CLIP1: variants seen among roughly 807,000 people sequenced by gnomAD.
CLIP1 encodes the protein CAP-Gly domain-containing linker protein 1.
In CLIP1, 66 loss-of-function variants were observed where a neutral mutation model predicts 161.6. The observed-to-expected ratio is 0.41, with a 90% CI of 0.33 to 0.50. The LOEUF (loss-of-function observed/expected upper bound fraction) is 0.50. Ranked by LOEUF, CLIP1 falls within the 20% of genes least tolerant of loss-of-function variation. The probability of loss-of-function intolerance (pLI) is 0.27; values close to 1 mark genes in which losing one functional copy is unlikely to be tolerated. For synonymous variants in CLIP1, 598 were observed against 626.2 expected, an observed-to-expected ratio of 0.96 and a Z score of 0.67; for missense variants, 1,376 against 1,702.0, an observed-to-expected ratio of 0.81 and a Z score of 3.37.
intron 9 of CLIP1, among the ~76,000 whole-genome samples, chr12:122,348,769 ACCTAT>A (rs1952873449): frequency 1.3e-5 from 2 of 152,130 alleles, no homozygotes; most frequent in Non-Finnish European, 2.9e-5. Flanking sequence ...GTACTAATTG[ACCTAT>A]CAGTCTGGAC....
At chr12:122,300,268 G>A (rs887131146) in intron 20 of CLIP1, among the ~76,000 whole-genome samples, 6 of 151,434 alleles carry the variant, frequency 4.0e-5, no homozygotes, top group African/African-American at 9.7e-5. Flanking sequence ...AGACATCATC[G>A]AAAATAAAAG....
chr12:122,297,092 C>T (rs1478518159), intron 20 of CLIP1, among the ~76,000 whole-genome samples: 1 of 152,048 alleles, frequency 6.6e-6, no homozygotes, highest in African/African-American at 2.4e-5. Context: ...AAAAATATTT[C>T]AGAGAACAAT....
intron 1 of CLIP1, among the ~76,000 whole-genome samples, chr12:122,386,960 A>G (rs1477059546): frequency 1.3e-5 from 2 of 152,278 alleles, no homozygotes; most frequent in East Asian, 1.9e-4. Flanking sequence ...GCACGATCAC[A>G]GTTCACTGCA....
chr12:122,302,969 C>T (rs916258606), intron 20 of CLIP1, among the ~76,000 whole-genome samples: 1 of 152,118 alleles, frequency 6.6e-6, no homozygotes, highest in Non-Finnish European at 1.5e-5. Context: ...TAAGCTCAAA[C>T]AGTCTCCTGG....
At chr12:122,390,368 G>C (rs747806591) in intron 1 of CLIP1, among the ~76,000 whole-genome samples, 1 of 147,556 alleles carries the variant, frequency 6.8e-6, no homozygotes, top group Non-Finnish European at 1.5e-5. Context: ...CTGAAGTGCA[G>C]TGGCACAATC....
rs2136485417 is a variant in CLIP1, at chr12:122,355,476, T to C, written c.1006-164A>G. On this transcript the variant is annotated intron_variant, in intron 5 of 25. Coordinates refer to ENST00000620786, the MANE Select transcript of CLIP1 (RefSeq NM_001247997.2). This position sits in a 1 kb window ranked among gnomAD's most constrained non-coding sequence, Gnocchi z 4.1. The stretch of plus-strand genomic sequence containing the variant: ...GCTTCCTCAAAAACACAAGACAGTG[T>C]GTGCCTTCTGTCTATAAATCTCACA... The C allele has an allele frequency of 1.6e-6, 1 of 610,508 alleles. No homozygotes were observed. Among genetic ancestry groups the C allele is most frequent in the Non-Finnish European group, 2.9e-6 (1 of 342,178 alleles). The allele number at this position is 610,508 out of a possible 1,614,324, so 37.8% of individuals were successfully genotyped here.
rs567817365 is a variant in CLIP1 at position 122,403,561 on chromosome 12, C to G, written c.-107+18960G>C. 2.1e-5 allele frequency among the ~76,000 whole-genome samples: 3 copies of G among 146,004 alleles called. No homozygotes were observed. The South Asian group carries it at 6.5e-4, about 32-fold the overall frequency. ...TGGCACAGAGTCTTACTCTGGTACC[C>G]AGGCTGGAGTGCAGTGGCATGATCT... On this transcript the variant is annotated intron_variant, in intron 1 of 25. Transcript: ENST00000620786.
At chr12:122,418,147 T>C (rs1373700823) in intron 1 of CLIP1, among the ~76,000 whole-genome samples, 1 of 152,068 alleles carries the variant, frequency 6.6e-6, no homozygotes, top group Non-Finnish European at 1.5e-5. Context: ...GAAGGGAAGT[T>C]CCAAGAGAAT....
intron 18 of CLIP1, among the ~76,000 whole-genome samples, chr12:122,317,545 T>C (rs28539138): frequency 0.02 from 3,048 of 152,262 alleles, 95 homozygotes; most frequent in African/African-American, 0.068. Flanking sequence ...TGACTGATCA[T>C]AGGCTGTGGC....
chr12:122,354,334 G>A (rs546233196), intron 7 of CLIP1, 119 bp downstream of exon 7: 117 of 631,622 alleles, frequency 1.9e-4, no homozygotes, highest in South Asian at 1.6e-3. Context: ...GGCAGAGGTT[G>A]TAGTGAGCTG....
intron 21 of CLIP1, among the ~76,000 whole-genome samples, chr12:122,281,364 A>G (rs1254663550): frequency 6.6e-6 from 1 of 152,116 alleles, no homozygotes; most frequent in Non-Finnish European, 1.5e-5. Context: ...GGAAGTAAAA[A>G]TATCTGATGT....
chr12:122,308,659 T>C (rs952403262), intron 20 of CLIP1, among the ~76,000 whole-genome samples: 2 of 152,228 alleles, frequency 1.3e-5, no homozygotes, highest in Non-Finnish European at 2.9e-5. Flanking sequence ...ATAGTGCTAT[T>C]GCTTAGAATT....
intron 18 of CLIP1, among the ~76,000 whole-genome samples, chr12:122,317,362 GA>G (rs1358524907): frequency 6.6e-6 from 1 of 152,104 alleles, no homozygotes; most frequent in Non-Finnish European, 1.5e-5. Context: ...TTGTAGACTG[GA>G]AAAAAATTTA....
At chr12:122,357,292 C>T (rs2136513853) in intron 5 of CLIP1, among the ~76,000 whole-genome samples, 1 of 152,068 alleles carries the variant, frequency 6.6e-6, no homozygotes, top group Non-Finnish European at 1.5e-5. Flanking sequence ...TGGCCGCGAC[C>T]CTGTCTGGGA....
Position 122,334,727 on chromosome 12 carries a change from T to G in CLIP1, c.2569-22A>C, listed in dbSNP as rs754238672. On this transcript the variant is annotated intron_variant, in intron 12 of 25. Coordinates refer to ENST00000620786, the MANE Select transcript of CLIP1 (RefSeq NM_001247997.2). Reference sequence around the variant, plus strand: ...CTTTCTAAAGAAAAAGAATGAGAGATTCTGAACAGAAAGATTTCAAATTGT... The same window carrying G: ...CTTTCTAAAGAAAAAGAATGAGAGAGTCTGAACAGAAAGATTTCAAATTGT... 2.3e-5 allele frequency: 33 copies of G among 1,450,430 alleles called. No homozygotes were observed. In the South Asian group the frequency reaches 3.6e-4, roughly 16 times the overall value. The allele number at this position is 1,450,430 out of a possible 1,614,324, so 89.8% of individuals were successfully genotyped here.
intron 20 of CLIP1, among the ~76,000 whole-genome samples, chr12:122,288,799 G>A (rs998926055): frequency 1.4e-5 from 2 of 144,360 alleles, no homozygotes; most frequent in African/African-American, 5.1e-5. Context: ...TGAACACAAC[G>A]AAGCACATCT....
At chr12:122,333,728 G>A (rs1490011738) in intron 14 of CLIP1, among the ~76,000 whole-genome samples, 1 of 152,220 alleles carries the variant, frequency 6.6e-6, no homozygotes, top group Admixed American at 6.5e-5. Context: ...GGCAGCAGCA[G>A]TGAGCCCCAA....
intron 21 of CLIP1, among the ~76,000 whole-genome samples, chr12:122,281,433 T>A (rs1566071910): frequency 6.6e-6 from 1 of 151,952 alleles, no homozygotes; most frequent in Non-Finnish European, 1.5e-5. Context: ...ATCCATGTCA[T>A]CCCAGCATTC....
At chr12:122,411,860 A>C (rs1181982844) in intron 1 of CLIP1, among the ~76,000 whole-genome samples, 1 of 152,112 alleles carries the variant, frequency 6.6e-6, no homozygotes, top group Non-Finnish European at 1.5e-5. Flanking sequence ...AATGGGAGAA[A>C]AGGAAAAAAA....
Sources: gnomAD v4.1 joint callset for allele counts (sites outside exome capture counted in the v4.1 genomes callset) on GRCh38, gnomAD v4.1.1 for gene constraint, Gnocchi (gnomAD v3.1) non-coding constraint, MANE v1.5 for transcripts, NCBI Gene and HGNC (gene_info 2026-07-23, HGNC 2026-07-21) for gene names.